The following APLF variants were observed in gnomAD, a reference collection of about 807,000 sequenced individuals.
The protein encoded by APLF is aprataxin and PNKP like factor.
In APLF, 61 loss-of-function variants were observed where a neutral mutation model predicts 55.6. The observed-to-expected ratio is 1.10, with a 90% CI of 0.89 to 1.36. APLF has a LOEUF of 1.36. Ranked by LOEUF, APLF falls within the 40% of genes most tolerant of loss-of-function variation. APLF has a pLI of 0.00. For missense variants in APLF, 611 were observed against 602.5 expected, an observed-to-expected ratio of 1.01 and a Z score of -0.15; for synonymous variants, 207 against 214.8, an observed-to-expected ratio of 0.96 and a Z score of 0.32.
intron 5 of APLF, among the ~76,000 whole-genome samples, chr2:68,518,288 A>G (rs1450569028): frequency 8.6e-6 from 1 of 115,644 alleles, no homozygotes; most frequent in African/African-American, 3.5e-5. Flanking sequence ...ATATAATATT[A>G]ATATATTAAT....
At position 68,513,247 on chromosome 2, in the gene APLF, A is replaced by G. The variant is rs747384177; in HGVS notation, c.489+20A>G. ...AGTGTGGTGAGAAATTTGATATCTC[A>G]TCCATTTATAACATGTTCTTCAAGT... On this transcript the variant is annotated intron_variant, in intron 4 of 9. Coordinates refer to ENST00000303795, the MANE Select transcript of APLF (RefSeq NM_173545.3). 1.3e-6 allele frequency: 2 copies of G among 1,577,770 alleles called. No homozygotes were observed. Among genetic ancestry groups the G allele is most frequent in the South Asian group, 1.2e-5 (1 of 86,830 alleles).
Position 68,528,856 on chromosome 2 carries a change from A to T in APLF, c.804+2614A>T. The T allele has an allele frequency of 5.3e-6, 8 of 1,523,582 alleles. No homozygotes were observed. In the South Asian group the frequency reaches 8.4e-5, roughly 16 times the overall value. 94.4% of individuals were successfully genotyped at this position (1,523,582 alleles called of 1,614,324 possible). A position where few individuals can be genotyped will look rare whatever the true frequency, so the allele number is the denominator to read the frequency against. The stretch of plus-strand genomic sequence containing the variant: ...GGACATTTCCCTCCAAGGGCCTGGG[A>T]TTGTACCAGGAGGAAGTGAGGTTTC... On this transcript the variant is annotated intron_variant, in intron 6 of 9. Transcript: ENST00000303795.
intron 6 of APLF, among the ~76,000 whole-genome samples, chr2:68,533,844 T>C (rs893335143): frequency 1.3e-5 from 2 of 152,192 alleles, no homozygotes; most frequent in African/African-American, 4.8e-5. Context: ...CAGAGCAAGT[T>C]ACCAGGTCTC....
chr2:68,517,957 A>G (rs1171298662), intron 5 of APLF, among the ~76,000 whole-genome samples: 3 of 141,782 alleles, frequency 2.1e-5, no homozygotes, highest in Non-Finnish European at 4.5e-5. Context: ...TATCACTAAT[A>G]TGTGTTAATA....
intron 1 of APLF, among the ~76,000 whole-genome samples, chr2:68,481,309 G>T (rs554754527): frequency 3.3e-5 from 5 of 152,236 alleles, no homozygotes; most frequent in African/African-American, 7.2e-5. Flanking sequence ...TTGCTTGTTT[G>T]GGAAAACTTC....
At chr2:68,510,383 A>G (rs1201635754) in intron 3 of APLF, among the ~76,000 whole-genome samples, 1 of 151,928 alleles carries the variant, frequency 6.6e-6, no homozygotes, top group East Asian at 1.9e-4. Context: ...TTGAATAGAC[A>G]TTTTTCCAAA....
intron 5 of APLF, among the ~76,000 whole-genome samples, chr2:68,518,985 C>T (rs188643086): frequency 0.23 from 26,754 of 117,388 alleles, 4,911 homozygotes; most frequent in African/African-American, 0.54. Flanking sequence ...TATTAATATA[C>T]AATATCTGAT....
At chr2:68,480,943 G>T (rs775793336) in intron 1 of APLF, among the ~76,000 whole-genome samples, 44 of 152,148 alleles carry the variant, frequency 2.9e-4, no homozygotes, top group Non-Finnish European at 5.0e-4. Context: ...AACCATTGTT[G>T]CATCACTGGG....
chr2:68,555,615 A>G (rs1244058224), intron 8 of APLF, among the ~76,000 whole-genome samples: 1 of 152,168 alleles, frequency 6.6e-6, no homozygotes, highest in Non-Finnish European at 1.5e-5. Context: ...ATGATCAGGG[A>G]AATGCTAATC....
intron 5 of APLF, among the ~76,000 whole-genome samples, chr2:68,518,623 AAT>A (rs1041331664): frequency 2.5e-5 from 3 of 122,266 alleles, no homozygotes; most frequent in Non-Finnish European, 4.8e-5. Flanking sequence ...ATATATCATG[AAT>A]ATATAATAAT....
At chr2:68,521,586 A>G (rs1004076023) in intron 5 of APLF, among the ~76,000 whole-genome samples, 1 of 151,908 alleles carries the variant, frequency 6.6e-6, no homozygotes. Flanking sequence ...CTTGATCTCC[A>G]GTTATCTCTG....
chr2:68,513,089 A>C lies in APLF; in HGVS notation c.351A>C (p.Gln117His). ...VEMQCTLRNS[Q>H]VLDEDNILNE... ...CTATTTTATCTTATAGAAACAGTCA[A>C]GTGCTTGATGAAGATAATATATTGA... Residue 117 changes from glutamine to histidine, a missense_variant, in exon 4 of 10, where the codon CAA becomes CAC. Coordinates refer to ENST00000303795, the MANE Select transcript of APLF (RefSeq NM_173545.3). 1 of 1,605,510 alleles carries C rather than the reference A, an allele frequency of 6.2e-7. No homozygotes were observed. The highest frequency in any genetic ancestry group is 8.5e-7 in the Non-Finnish European group (1 of 1,175,780).
intron 7 of APLF, among the ~76,000 whole-genome samples, chr2:68,543,234 T>C (rs1670608290): frequency 1.3e-5 from 2 of 152,154 alleles, no homozygotes; most frequent in South Asian, 2.1e-4. Context: ...GTTGCACAAG[T>C]TGAAAAAATT....
intron 5 of APLF, among the ~76,000 whole-genome samples, chr2:68,519,039 TATA>T (rs1317770366): frequency 6.1e-4 from 72 of 117,790 alleles, no homozygotes; most frequent in African/African-American, 2.4e-3. Flanking sequence ...ATGATTAATA[TATA>T]ATAATATAAT....
intron 6 of APLF, chr2:68,528,239 C>T (rs1265339874): frequency 3.3e-6 from 4 of 1,223,374 alleles, no homozygotes; most frequent in Non-Finnish European, 4.6e-6. Flanking sequence ...ACCATGCCTG[C>T]CCTGCTGTCT....
At chr2:68,567,241 A>G (rs1160380785) in intron 8 of APLF, 100 bp from the exon 9 acceptor site, 1 of 1,014,636 alleles carries the variant, frequency 9.9e-7, no homozygotes, top group Non-Finnish European at 1.5e-6. Flanking sequence ...ATTGGGTCCT[A>G]AGTTTATTTG....
At chr2:68,492,465 G>A (rs1356248411) in intron 2 of APLF, among the ~76,000 whole-genome samples, 1 of 152,134 alleles carries the variant, frequency 6.6e-6, no homozygotes, top group Non-Finnish European at 1.5e-5. Flanking sequence ...GCGACAGAAC[G>A]AGACTCCGCC....
At chr2:68,568,900 T>C (rs957818447) in intron 9 of APLF, among the ~76,000 whole-genome samples, 1 of 152,148 alleles carries the variant, frequency 6.6e-6, no homozygotes, top group Non-Finnish European at 1.5e-5. Flanking sequence ...ATTTTTAATG[T>C]ACTTTCAAAA....
At chr2:68,521,741 G>A (rs949006691) in intron 5 of APLF, among the ~76,000 whole-genome samples, 1 of 151,820 alleles carries the variant, frequency 6.6e-6, no homozygotes, top group African/African-American at 2.4e-5. Context: ...AGCTACCAAC[G>A]TGAAGTTGTA....
Sources: gnomAD v4.1 joint callset for allele counts (sites outside exome capture counted in the v4.1 genomes callset) on GRCh38, gnomAD v4.1.1 for gene constraint, MANE v1.5 for transcripts, NCBI Gene and HGNC (gene_info 2026-07-23, HGNC 2026-07-21) for gene names.